The following RASAL2 variants were observed in gnomAD, a reference collection of about 807,000 sequenced individuals.
RASAL2 encodes the protein ras GTPase-activating protein nGAP.
In RASAL2, 58 loss-of-function variants were observed where a neutral mutation model predicts 128.9. That is an observed-to-expected ratio of 0.45 (90% CI 0.36 to 0.56). The LOEUF (loss-of-function observed/expected upper bound fraction) is 0.56, where lower values mean the gene tolerates loss of function less well. Ranked by LOEUF, RASAL2 falls within the 20% of genes least tolerant of loss-of-function variation. The probability of loss-of-function intolerance (pLI) is 0.00; values close to 1 mark genes in which losing one functional copy is unlikely to be tolerated. For synonymous variants in RASAL2, 561 were observed against 580.8 expected (o/e 0.97, Z 0.49); for missense variants, 1,360 against 1,601.6 (o/e 0.85, Z 2.57).
intron 1 of RASAL2, among the ~76,000 whole-genome samples, chr1:178,131,299 C>G (rs1445176715): frequency 2.0e-5 from 3 of 151,634 alleles, no homozygotes; most frequent in Non-Finnish European, 4.4e-5. Context: ...CTTGAACTCC[C>G]AGGCTCAAGT....
chr1:178,275,621 A>G (rs920159858), intron 1 of RASAL2, among the ~76,000 whole-genome samples: 1 of 152,176 alleles, frequency 6.6e-6, no homozygotes, highest in African/African-American at 2.4e-5. Flanking sequence ...GCCTTCAAGG[A>G]ATTTATTACT....
At chr1:178,382,193 G>A (rs371950630) in intron 3 of RASAL2, among the ~76,000 whole-genome samples, 5 of 151,982 alleles carry the variant, frequency 3.3e-5, no homozygotes, top group East Asian at 1.9e-4. Flanking sequence ...TTTGTTCAAG[G>A]GATCAGTATT....
chr1:178,301,355 T>C (rs1043887375), intron 3 of RASAL2, among the ~76,000 whole-genome samples: 18 of 152,192 alleles, frequency 1.2e-4, no homozygotes, highest in African/African-American at 4.1e-4. Context: ...CCAAGTTCTA[T>C]GTAAATTGAA....
chr1:178,138,778 T>C (rs966961942), intron 1 of RASAL2, among the ~76,000 whole-genome samples: 1 of 152,078 alleles, frequency 6.6e-6, no homozygotes, highest in African/African-American at 2.4e-5. Context: ...CCGAATGGAG[T>C]TGATGATAGT....
intron 1 of RASAL2, among the ~76,000 whole-genome samples, chr1:178,215,069 CAT>C (rs752383913): frequency 1.8e-4 from 28 of 152,312 alleles, no homozygotes; most frequent in South Asian, 1.7e-3. Flanking sequence ...AATGTTATCT[CAT>C]GTGTAAGTTC....
intron 3 of RASAL2, among the ~76,000 whole-genome samples, chr1:178,369,303 C>T (rs1353772798): frequency 1.3e-5 from 2 of 152,018 alleles, no homozygotes; most frequent in Non-Finnish European, 2.9e-5. Context: ...CTTACTGCAA[C>T]CTCTGCCTCC....
At chr1:178,268,018 T>C (rs1025905454) in intron 1 of RASAL2, among the ~76,000 whole-genome samples, 17 of 151,966 alleles carry the variant, frequency 1.1e-4, no homozygotes, top group Non-Finnish European at 1.8e-4. Context: ...TAGTTGTTGT[T>C]TTTTGTTTTT....
At chr1:178,118,840 T>G (rs1659610439) in intron 1 of RASAL2, among the ~76,000 whole-genome samples, 1 of 142,912 alleles carries the variant, frequency 7.0e-6, no homozygotes, top group African/African-American at 2.7e-5. Flanking sequence ...GTTGAATATG[T>G]CACACAATTG....
intron 1 of RASAL2, among the ~76,000 whole-genome samples, chr1:178,208,351 A>G (rs1663126684): frequency 6.6e-6 from 1 of 152,150 alleles, no homozygotes; most frequent in Admixed American, 6.5e-5. Context: ...ACCCTGGGAA[A>G]GGAATGCATT....
intron 4 of RASAL2, among the ~76,000 whole-genome samples, chr1:178,393,182 G>A (rs1224993544): frequency 6.6e-6 from 1 of 152,150 alleles, no homozygotes; most frequent in African/African-American, 2.4e-5. Flanking sequence ...GTTGGGTTGT[G>A]GGGGATGGTT....
intron 1 of RASAL2, among the ~76,000 whole-genome samples, chr1:178,266,722 G>A (rs755515470): frequency 4.6e-5 from 7 of 152,212 alleles, no homozygotes; most frequent in Non-Finnish European, 7.3e-5. Context: ...GAAGAGGCTG[G>A]AAGAGGCAGT....
At chr1:178,195,434 T>TAA (rs1213586878) in intron 1 of RASAL2, among the ~76,000 whole-genome samples, 1 of 152,198 alleles carries the variant, frequency 6.6e-6, no homozygotes, top group East Asian at 1.9e-4. Flanking sequence ...TTGCTCTTGC[T>TAA]AAATATTGCT....
intron 1 of RASAL2, among the ~76,000 whole-genome samples, chr1:178,195,284 AT>A (rs1662622757): frequency 6.6e-6 from 1 of 152,152 alleles, no homozygotes; most frequent in African/African-American, 2.4e-5. Context: ...TCAATATAGT[AT>A]TTTTTCCATA....
At chr1:178,153,070 A>G (rs1660966564) in intron 1 of RASAL2, among the ~76,000 whole-genome samples, 1 of 152,156 alleles carries the variant, frequency 6.6e-6, no homozygotes, top group Admixed American at 6.5e-5. Flanking sequence ...TTATATTTCT[A>G]GATCTCTCTT....
At chr1:178,308,399 G>A (rs755575957) in intron 3 of RASAL2, among the ~76,000 whole-genome samples, 4 of 152,078 alleles carry the variant, frequency 2.6e-5, no homozygotes, top group Non-Finnish European at 5.9e-5. Flanking sequence ...ATTGACCTCT[G>A]AGTGACCAAA....
chr1:178,370,744 C>T (rs371232005), intron 3 of RASAL2, among the ~76,000 whole-genome samples: 1 of 152,152 alleles, frequency 6.6e-6, no homozygotes, highest in African/African-American at 2.4e-5. Flanking sequence ...AAGCACTGCT[C>T]TAGCCACTAG....
chr1:178,265,700 G>A (rs565224690), intron 1 of RASAL2, among the ~76,000 whole-genome samples: 1 of 152,212 alleles, frequency 6.6e-6, no homozygotes, highest in East Asian at 1.9e-4. Context: ...GCATAAAGGG[G>A]CATATCTGTG....
At chr1:178,221,412 T>C (rs1251824491) in intron 1 of RASAL2, among the ~76,000 whole-genome samples, 2 of 152,188 alleles carry the variant, frequency 1.3e-5, no homozygotes, top group Admixed American at 6.5e-5. Context: ...GTTATAGACT[T>C]CCCTATAAGT....
At chr1:178,255,288 A>G (rs1264404486) in intron 1 of RASAL2, among the ~76,000 whole-genome samples, 1 of 152,180 alleles carries the variant, frequency 6.6e-6, no homozygotes, top group African/African-American at 2.4e-5. Flanking sequence ...AAAGCTAATT[A>G]TGTAATTTTA....
Sources: gnomAD v4.1 joint callset for allele counts (sites outside exome capture counted in the v4.1 genomes callset) on GRCh38, gnomAD v4.1.1 for gene constraint, MANE v1.5 for transcripts, NCBI Gene and HGNC (gene_info 2026-07-23, HGNC 2026-07-21) for gene names.